BRSK2: variants seen among roughly 807,000 people sequenced by gnomAD.
BRSK2 encodes the protein BR serine/threonine kinase 2.
BRSK2 carries 19 observed loss-of-function variants against 83.3 expected under a neutral mutation model. The ratio of observed to expected loss-of-function variants is 0.23; its 90% CI spans 0.16 to 0.33. The LOEUF is 0.33. Ranked by LOEUF, BRSK2 falls within the 10% of genes least tolerant of loss-of-function variation. BRSK2 has a pLI of 1.00. For synonymous variants in BRSK2, 519 were observed against 435.4 expected, an observed-to-expected ratio of 1.19 and a Z score of -2.39; for missense variants, 798 against 1,042.3, an observed-to-expected ratio of 0.77 and a Z score of 3.23.
chr11:1,456,655 C>G lies in BRSK2; in HGVS notation c.1907C>G (p.Thr636Arg). The G allele has an allele frequency of 6.2e-7, 1 of 1,609,538 alleles. No homozygotes were observed. The highest frequency in any genetic ancestry group is 8.5e-7 in the Non-Finnish European group (1 of 1,178,718). ...VETIQAQLLS[T>R]HDPPAAQHLS... Reference sequence around the variant, plus strand: ...ACCATCCAGGCCCAGCTGCTGAGCACACACGACCCGCCTGCGGCCCAGCAC... The same window carrying G: ...ACCATCCAGGCCCAGCTGCTGAGCAGACACGACCCGCCTGCGGCCCAGCAC... Residue 636 changes from threonine to arginine, a missense_variant, in exon 18 of 20, where the codon ACA becomes AGA. Transcript: ENST00000528841.
chr11:1,396,787 C>T (rs112462332), intron 1 of BRSK2, among the ~76,000 whole-genome samples: 28 of 152,188 alleles, frequency 1.8e-4, no homozygotes, highest in Non-Finnish European at 3.1e-4. Flanking sequence ...GACTGCCGGC[C>T]GCCGGCATCC....
At chr11:1,424,198 TCCGTGAGC>T (rs1464861240) in intron 1 of BRSK2, among the ~76,000 whole-genome samples, 1 of 152,144 alleles carries the variant, frequency 6.6e-6, no homozygotes, top group Non-Finnish European at 1.5e-5. Flanking sequence ...CCGGAACTGC[TCCGTGAGC>T]CCCGGGGAGC....
intron 8 of BRSK2, among the ~76,000 whole-genome samples, chr11:1,444,505 C>T (rs990270115): frequency 3.9e-5 from 6 of 152,102 alleles, no homozygotes; most frequent in Non-Finnish European, 5.9e-5. Context: ...AGCCCTGCCC[C>T]GCCGCACAGG....
intron 19 of BRSK2, 184 bp downstream of exon 19, chr11:1,459,423 A>C: frequency 3.1e-6 from 2 of 651,318 alleles, no homozygotes; most frequent in Non-Finnish European, 5.5e-6. Context: ...CTCCCCTACC[A>C]CAGCAAGCCC....
At chr11:1,440,987 C>T (rs9651643) in intron 4 of BRSK2, 59 bp downstream of exon 4, 642,208 of 1,493,864 alleles carry the variant, frequency 0.43, 143,980 homozygotes, top group Middle Eastern at 0.47. Flanking sequence ...CAGTGCGCTA[C>T]CACAGATGCC....
intron 5 of BRSK2, 143 bp downstream of exon 5, chr11:1,442,749 A>G (rs1851518221): frequency 1.4e-6 from 1 of 693,556 alleles, no homozygotes; most frequent in Non-Finnish European, 2.5e-6. Flanking sequence ...TGAGCCTCCC[A>G]GTACCCCACA....
intron 12 of BRSK2, among the ~76,000 whole-genome samples, chr11:1,446,945 G>C (rs1392623667): frequency 6.6e-6 from 1 of 152,148 alleles, no homozygotes; most frequent in African/African-American, 2.4e-5. Flanking sequence ...CTTGGGGGAA[G>C]CTGTGGGGAA....
rs11028686 is a variant in BRSK2 at position 1,454,269 on chromosome 11, G to A, written c.1545-216G>A. ...TAGGGCTTGGAGAAAGGTTAGGGTT[G>A]GGGTTGGGGTTAGAGCCACGGTGAT... On this transcript the variant is annotated intron_variant, in intron 15 of 19. Coordinates refer to ENST00000528841, the MANE Select transcript of BRSK2 (RefSeq NM_001256627.2). The surrounding 1 kb of genome is among the most constrained non-coding windows in gnomAD (Gnocchi z 5.2). 0.096 allele frequency: 50,082 copies of A among 521,456 alleles called. 2,622 individuals are homozygous for A. Among genetic ancestry groups the A allele is most frequent in the African/African-American group, 0.13 (6,835 of 51,822 alleles). 32.3% of individuals were successfully genotyped at this position (521,456 alleles called of 1,614,324 possible).
intron 4 of BRSK2, 78 bp from the exon 5 acceptor site, chr11:1,442,412 T>C: frequency 8.9e-7 from 1 of 1,123,036 alleles, no homozygotes; most frequent in Non-Finnish European, 1.3e-6. Flanking sequence ...CAGTGGGCTC[T>C]GGGCAGGGGG....
chr11:1,408,812 GGT>G lies in BRSK2; in HGVS notation c.91+18459_91+18460del, dbSNP rs752611597. 1.9e-3 allele frequency among the ~76,000 whole-genome samples: 277 copies of G among 143,100 alleles called. 1 individual carries two copies. The highest frequency in any genetic ancestry group is 3.5e-3 in the Middle Eastern group (1 of 282). The allele number at this position is 143,100 out of a possible 152,430, so 93.9% of individuals were successfully genotyped here. A position where few individuals can be genotyped will look rare whatever the true frequency, so the allele number is the denominator to read the frequency against. On this transcript the variant is annotated intron_variant, in intron 1 of 19. Coordinates refer to ENST00000528841, the MANE Select transcript of BRSK2 (RefSeq NM_001256627.2). ...GCAAGGGTGTGTGTTTGCCTGTGCTGGTGTGTGTGTGTGTGTGTGTGTGGCTG... is the reference window on the plus strand; with the variant it reads ...GCAAGGGTGTGTGTTTGCCTGTGCTGGTGTGTGTGTGTGTGTGTGTGGCTG...
chr11:1,442,958 A>C, intron 5 of BRSK2, 148 bp from the exon 6 acceptor site: 5 of 988,570 alleles, frequency 5.1e-6, no homozygotes, highest in Non-Finnish European at 5.8e-6. Flanking sequence ...CTCCTCCCAA[A>C]AGCCCGCCTG....
At chr11:1,437,974 C>T (rs1850556086) in intron 2 of BRSK2, among the ~76,000 whole-genome samples, 3 of 152,160 alleles carry the variant, frequency 2.0e-5, no homozygotes, top group African/African-American at 7.2e-5. Flanking sequence ...GAGGCCCCTG[C>T]CCTCTGCCCT....
intron 1 of BRSK2, among the ~76,000 whole-genome samples, chr11:1,435,230 T>C (rs1232558541): frequency 7.2e-6 from 1 of 139,114 alleles, no homozygotes; most frequent in Non-Finnish European, 1.6e-5. Flanking sequence ...GGTGGGGGTC[T>C]CAGCGGAGGA....
intron 4 of BRSK2, among the ~76,000 whole-genome samples, chr11:1,441,223 A>G (rs1213456988): frequency 1.9e-4 from 4 of 20,584 alleles, no homozygotes; most frequent in Non-Finnish European, 2.5e-4. Flanking sequence ...CCCCCCATTA[A>G]CTACCCCTCA....
intron 1 of BRSK2, among the ~76,000 whole-genome samples, chr11:1,399,600 A>G (rs1846340971): frequency 6.6e-6 from 1 of 151,854 alleles, no homozygotes; most frequent in Non-Finnish European, 1.5e-5. Flanking sequence ...CTCGGGGCTC[A>G]AACTGGCAGC....
At chr11:1,406,064 C>T (rs923580143) in intron 1 of BRSK2, among the ~76,000 whole-genome samples, 48 of 152,134 alleles carry the variant, frequency 3.2e-4, no homozygotes, top group African/African-American at 9.9e-4. Context: ...GTTTGTTGCC[C>T]GCTCCCCTGC....
intron 1 of BRSK2, chr11:1,409,364 C>T (rs188832210): frequency 6.6e-6 from 1 of 152,334 alleles, no homozygotes; most frequent in East Asian, 1.9e-4. Flanking sequence ...ATCTGTGTTT[C>T]CTTAGCGATT....
intron 1 of BRSK2, among the ~76,000 whole-genome samples, chr11:1,429,060 GGT>G (rs1346013136): frequency 1.3e-5 from 2 of 148,954 alleles, no homozygotes; most frequent in Admixed American, 1.3e-4. Flanking sequence ...TGTGTACACA[GGT>G]GTGTGTGCAT....
Position 1,438,437 on chromosome 11 carries a change from C to T in BRSK2, c.272+46C>T. Reference sequence around the variant, plus strand: ...AGAGCTGGGGTGGCGGAGGTGGCAGCTGTCGCTGCAGGGGTGGGTGTCTGG... The same window carrying T: ...AGAGCTGGGGTGGCGGAGGTGGCAGTTGTCGCTGCAGGGGTGGGTGTCTGG... On this transcript the variant is annotated intron_variant, in intron 3 of 19. Coordinates refer to ENST00000528841, the MANE Select transcript of BRSK2 (RefSeq NM_001256627.2). The surrounding 1 kb of genome is among the most constrained non-coding windows in gnomAD (Gnocchi z 6.4). 2.5e-6 allele frequency: 4 copies of T among 1,572,442 alleles called. No individual in the cohort carries two copies. The highest frequency in any genetic ancestry group is 3.5e-6 in the Non-Finnish European group (4 of 1,143,630).
Sources: allele counts gnomAD v4.1 joint callset (sites outside exome capture counted in the v4.1 genomes callset), GRCh38; gene constraint gnomAD v4.1.1; non-coding constraint Gnocchi (gnomAD v3.1); transcripts MANE v1.5; gene names NCBI Gene and HGNC (gene_info 2026-07-23, HGNC 2026-07-21).